The following ABHD12 variants were observed in gnomAD, a reference collection of about 807,000 sequenced individuals.
ABHD12 encodes abhydrolase domain containing 12, lysophospholipase.
Under a neutral mutation model 58.3 loss-of-function variants are expected in ABHD12, and 43 were observed. The ratio of observed to expected loss-of-function variants is 0.74; its 90% CI spans 0.58 to 0.95. The LOEUF is 0.95. Among genes scored for constraint, ABHD12 ranks in the 40% least tolerant of loss-of-function variants. The pLI is 0.00. For missense variants in ABHD12, 539 were observed against 537.2 expected, an observed-to-expected ratio of 1.00 and a Z score of -0.03; for synonymous variants, 219 against 211.2, an observed-to-expected ratio of 1.04 and a Z score of -0.32.
chr20:25,385,971 G>T (rs1274219718), intron 1 of ABHD12, among the ~76,000 whole-genome samples: 3 of 151,600 alleles, frequency 2.0e-5, no homozygotes, highest in African/African-American at 4.8e-5. Flanking sequence ...TGTGTTGGTG[G>T]GCACCTGTAG....
chr20:25,364,558 G>A lies in ABHD12; in HGVS notation c.192-25207C>T, dbSNP rs530420113. Among the ~76,000 whole-genome samples, 8 of 152,198 alleles carry A rather than the reference G, an allele frequency of 5.3e-5. No homozygotes were observed. In the South Asian group the frequency reaches 1.7e-3, roughly 32 times the overall value. ...CCATTCATAAGGAATCTTCCCCCTGGGTGACCCAGACACCTCCTACCTCCT... is the reference window on the plus strand; with the variant it reads ...CCATTCATAAGGAATCTTCCCCCTGAGTGACCCAGACACCTCCTACCTCCT... On this transcript the variant is annotated intron_variant, in intron 1 of 12. Transcript: ENST00000339157.
rs544297968 is a variant in ABHD12, at chr20:25,294,819, G to A, written c.*154C>T. On this transcript the variant is annotated 3_prime_UTR_variant, in exon 13 of 13. Transcript: ENST00000376542. The stretch of plus-strand genomic sequence containing the variant: ...TGGTTTATCTAGAGTTACAGACTTT[G>A]TAAGGTTTGCAGCTCAGGGCAGTTC... 5 of 786,808 alleles carry A rather than the reference G, an allele frequency of 6.4e-6. No homozygotes were observed. The African/African-American group carries it at 8.4e-5, about 13-fold the overall frequency. 48.7% of individuals were successfully genotyped at this position (786,808 alleles called of 1,614,324 possible).
chr20:25,303,279 G>A (rs1369426526), intron 11 of ABHD12: 5 of 1,301,300 alleles, frequency 3.8e-6, no homozygotes, highest in South Asian at 1.5e-5. Flanking sequence ...GTGAGGACTG[G>A]GAACTATCTG....
intron 6 of ABHD12, among the ~76,000 whole-genome samples, chr20:25,314,665 T>G: frequency 1.4e-5 from 2 of 146,094 alleles, no homozygotes; most frequent in East Asian, 2.0e-4. Context: ...GGTGACAAAG[T>G]GAGATCCTAT....
Position 25,345,370 on chromosome 20 carries a change from C to T in ABHD12, c.192-6019G>A, listed in dbSNP as rs149495602. On this transcript the variant is annotated intron_variant, in intron 1 of 12. Transcript: ENST00000339157. ...AAAGTGCTGGGATTACAGGCTTGAG[C>T]CACCGCGCCTGGCCGATGAAGACTT... Among the ~76,000 whole-genome samples, 59 of 152,262 alleles carry T rather than the reference C, an allele frequency of 3.9e-4. 1 individual carries two copies. In the East Asian group the frequency reaches 9.1e-3, roughly 23 times the overall value.
At chr20:25,301,428 C>G (rs1324343928) in intron 12 of ABHD12, among the ~76,000 whole-genome samples, 2 of 146,108 alleles carry the variant, frequency 1.4e-5, no homozygotes, top group Non-Finnish European at 3.1e-5. Flanking sequence ...CTGACTGGCA[C>G]AACACAACAA....
intron 1 of ABHD12, among the ~76,000 whole-genome samples, chr20:25,375,369 C>T (rs187911716): frequency 8.5e-5 from 13 of 152,354 alleles, no homozygotes; most frequent in Non-Finnish European, 1.5e-4. Flanking sequence ...TAATCTTGCT[C>T]TAAGTAGCAG....
At position 25,388,400 on chromosome 20, in the gene ABHD12, G is replaced by GT. The variant is rs751711178; in HGVS notation, c.191+2112dup. ...CTGTTCTCATGGCGCTTCCATTCTG[G>GT]TTGCGGGGGAGGCACACGAGCAAAA... On this transcript the variant is annotated intron_variant, in intron 1 of 12. Coordinates refer to ENST00000339157, the MANE Select transcript of ABHD12 (RefSeq NM_001042472.3). Among the ~76,000 whole-genome samples the GT allele has an allele frequency of 5.9e-5, 9 of 152,304 alleles. No individual in the cohort carries two copies. In the South Asian group the frequency reaches 6.2e-4, roughly 11 times the overall value.
intron 2 of ABHD12, among the ~76,000 whole-genome samples, chr20:25,328,405 C>T (rs528383342): frequency 1.3e-5 from 2 of 152,312 alleles, no homozygotes; most frequent in South Asian, 4.1e-4. Flanking sequence ...GCCCAGTGCC[C>T]ATCCCACATC....
At chr20:25,377,988 G>A (rs1001148849) in intron 1 of ABHD12, among the ~76,000 whole-genome samples, 8 of 152,160 alleles carry the variant, frequency 5.3e-5, no homozygotes, top group African/African-American at 7.2e-5. Flanking sequence ...GGGCCACCGC[G>A]TCCGGCCAGG....
downstream of ABHD12, among the ~76,000 whole-genome samples, chr20:25,299,379 AAC>A (rs1159896558): frequency 6.6e-6 from 1 of 152,148 alleles, no homozygotes; most frequent in Non-Finnish European, 1.5e-5. Flanking sequence ...CAGCCTGGGC[AAC>A]AGAGTGAGAC....
chr20:25,357,568 C>T (rs1568757213), intron 1 of ABHD12, among the ~76,000 whole-genome samples: 1 of 152,132 alleles, frequency 6.6e-6, no homozygotes. Flanking sequence ...TTAAACACAA[C>T]TTGGACCATT....
intron 5 of ABHD12, among the ~76,000 whole-genome samples, chr20:25,316,196 G>T (rs1382801602): frequency 6.6e-6 from 1 of 151,796 alleles, no homozygotes; most frequent in Non-Finnish European, 1.5e-5. Flanking sequence ...GTCTTGCTCT[G>T]TTGCCCAGGC....
rs142207371 is a variant in ABHD12 at position 25,338,967 on chromosome 20, G to A, written c.316+260C>T. The A allele has an allele frequency of 1.1e-4, 132 of 1,251,094 alleles. No homozygotes were observed. The Middle Eastern group carries it at 1.4e-3, about 13-fold the overall frequency. The allele number at this position is 1,251,094 out of a possible 1,614,324, so 77.5% of individuals were successfully genotyped here. A position where few individuals can be genotyped will look rare whatever the true frequency, so the allele number is the denominator to read the frequency against. ...AATCCAGTGCTGGGGAGCAACACTA[G>A]CACAGAAAGTCCTCCAGCTGGGAAG... On this transcript the variant is annotated intron_variant, in intron 2 of 12. Transcript: ENST00000339157.
chr20:25,321,026 T>C (rs1321521858), intron 3 of ABHD12, among the ~76,000 whole-genome samples: 1 of 152,252 alleles, frequency 6.6e-6, no homozygotes, highest in Non-Finnish European at 1.5e-5. Context: ...AAATTCATTC[T>C]GGATACCAGT....
intron 5 of ABHD12, 79 bp downstream of exon 5, chr20:25,316,969 G>A: frequency 1.6e-6 from 2 of 1,286,276 alleles, no homozygotes; most frequent in Non-Finnish European, 2.3e-6. Flanking sequence ...CTCTCAAGCT[G>A]TGAGTCTGGT....
chr20:25,298,015 T>TG (rs2088577102), downstream of ABHD12: 1 of 137,192 alleles, frequency 7.3e-6, no homozygotes, highest in Non-Finnish European at 1.6e-5. Context: ...TTGGCTGACA[T>TG]GGGGTCTGTG....
intron 9 of ABHD12, among the ~76,000 whole-genome samples, chr20:25,307,331 TA>T (rs2088763366): frequency 6.6e-6 from 1 of 152,156 alleles, no homozygotes; most frequent in Non-Finnish European, 1.5e-5. Flanking sequence ...TAAGATAAGA[TA>T]AAAGGCTCTT....
Position 25,308,068 on chromosome 20 carries a change from G to A in ABHD12, c.788-23C>T, listed in dbSNP as rs200559312. 1.7e-4 allele frequency: 253 copies of A among 1,510,936 alleles called. 1 individual carries two copies. In the East Asian group the frequency reaches 3.7e-3, roughly 22 times the overall value. The allele number at this position is 1,510,936 out of a possible 1,614,324, so 93.6% of individuals were successfully genotyped here. A position where few individuals can be genotyped will look rare whatever the true frequency, so the allele number is the denominator to read the frequency against. ...TCTCTAGATAAACAAACAGGGAACTGAGAGGTAGGCAGGAAGCCAGCGACA... is the reference window on the plus strand; with the variant it reads ...TCTCTAGATAAACAAACAGGGAACTAAGAGGTAGGCAGGAAGCCAGCGACA... On this transcript the variant is annotated intron_variant, in intron 8 of 12. Transcript: ENST00000339157.
Sources: allele counts gnomAD v4.1 joint callset (sites outside exome capture counted in the v4.1 genomes callset), GRCh38; gene constraint gnomAD v4.1.1; transcripts MANE v1.5; gene names NCBI Gene and HGNC (gene_info 2026-07-23, HGNC 2026-07-21).